Variants in NELL2 observed in about 807,000 individuals in gnomAD.
NELL2 encodes the protein neural EGFL like 2, also known as protein kinase C-binding protein NELL2.
NELL2 carries 41 observed loss-of-function variants against 109.6 expected under a neutral mutation model. The ratio of observed to expected loss-of-function variants is 0.37; its 90% confidence interval spans 0.29 to 0.49. The LOEUF is 0.49. Ranked by LOEUF, NELL2 falls within the 20% of genes least tolerant of loss-of-function variation. NELL2 has a pLI of 0.98. For synonymous variants in NELL2, 355 were observed against 344.7 expected (o/e 1.03, Z -0.33); for missense variants, 900 against 1,008.3 (o/e 0.89, Z 1.45).
chr12:44,813,653 C>T (rs1026188831), intron 3 of NELL2, among the ~76,000 whole-genome samples: 2 of 152,054 alleles, frequency 1.3e-5, no homozygotes, highest in African/African-American at 4.8e-5. Context: ...CGTATCAATA[C>T]ACATAGACAA....
At chr12:44,876,650 A>T (rs1237175763), upstream of NELL2, 4 of 1,551,060 alleles carry the variant, frequency 2.6e-6, no homozygotes, top group African/African-American at 5.5e-5. Flanking sequence ...GAGAGAAAAA[A>T]GACCACCCAG....
At chr12:44,660,101 G>T (rs866495158) in intron 13 of NELL2, among the ~76,000 whole-genome samples, 1 of 152,026 alleles carries the variant, frequency 6.6e-6, no homozygotes, top group African/African-American at 2.4e-5. Context: ...CTTAAAACAG[G>T]GTCCTTTTTG....
At position 44,779,681 on chromosome 12, in the gene NELL2, A is replaced by G. The variant is rs1941880739; in HGVS notation, c.588T>C (p.Asn196=). The G allele has an allele frequency of 3.7e-6, 6 of 1,613,498 alleles. No homozygotes were observed. Among genetic ancestry groups the G allele is most frequent in the Non-Finnish European group, 5.1e-6 (6 of 1,179,588 alleles). The change falls in exon 5 of 20, where the codon AAT becomes AAC. Residue 196 remains asparagine (N), a synonymous_variant. Transcript: ENST00000429094. ...AAGATACCTTAAAATATCCATGCGC[A>G]TTATTTCTCTGTCCTAGCCAAAATG... ...GTTFWLGQRN[N]AHGYFKGIMQ...
At chr12:44,774,703 T>C in intron 9 of NELL2, 44 bp downstream of exon 9, 1 of 1,496,246 alleles carries the variant, frequency 6.7e-7, no homozygotes, top group Non-Finnish European at 9.3e-7. Context: ...AATACAGTGC[T>C]TTATTTTTCC....
intron 9 of NELL2, among the ~76,000 whole-genome samples, chr12:44,740,004 C>G (rs994805057): frequency 2.6e-5 from 4 of 152,188 alleles, no homozygotes; most frequent in Non-Finnish European, 4.4e-5. Flanking sequence ...AGTTTAGTGG[C>G]TACAATACAA....
intron 12 of NELL2, among the ~76,000 whole-genome samples, chr12:44,681,370 T>A (rs945364835): frequency 2.0e-5 from 3 of 149,066 alleles, no homozygotes; most frequent in Non-Finnish European, 4.5e-5. Flanking sequence ...GTTGTTGTTG[T>A]TGGCATAACC....
chr12:44,606,762 A>C (rs1945418717), intron 15 of NELL2, among the ~76,000 whole-genome samples: 1 of 152,124 alleles, frequency 6.6e-6, no homozygotes, highest in Non-Finnish European at 1.5e-5. Flanking sequence ...AAATTTATTA[A>C]AAATTCCTAA....
intron 13 of NELL2, among the ~76,000 whole-genome samples, chr12:44,638,487 G>T (rs1209938233): frequency 6.6e-6 from 1 of 152,086 alleles, no homozygotes; most frequent in Admixed American, 6.6e-5. Context: ...ATTTCAAGTG[G>T]GAAGAATTGA....
At chr12:44,814,519 C>G (rs991261350) in intron 3 of NELL2, among the ~76,000 whole-genome samples, 1 of 152,010 alleles carries the variant, frequency 6.6e-6, no homozygotes, top group Non-Finnish European at 1.5e-5. Context: ...TCCCTGCAAC[C>G]AAAAACAGAC....
intron 13 of NELL2, among the ~76,000 whole-genome samples, chr12:44,650,387 A>G (rs536269325): frequency 8.0e-5 from 12 of 150,716 alleles, no homozygotes; most frequent in Admixed American, 3.3e-4. Flanking sequence ...TCCGCCTCCC[A>G]GATTTAAGCA....
chr12:44,548,173 C>T (rs1037435), intron 15 of NELL2, among the ~76,000 whole-genome samples: 69,764 of 151,974 alleles, frequency 0.46, 17,395 homozygotes, highest in East Asian at 0.69. Flanking sequence ...CTGGGATGCA[C>T]GAGTGGGATG....
At chr12:44,738,347 T>G (rs540582449) in intron 9 of NELL2, among the ~76,000 whole-genome samples, 1 of 152,208 alleles carries the variant, frequency 6.6e-6, no homozygotes, top group South Asian at 2.1e-4. Context: ...GAATATGCAC[T>G]CCTATGTTCA....
At chr12:44,716,332 C>T (rs532754402) in intron 9 of NELL2, among the ~76,000 whole-genome samples, 4 of 152,104 alleles carry the variant, frequency 2.6e-5, no homozygotes, top group Non-Finnish European at 5.9e-5. Flanking sequence ...ATCTCCTAGC[C>T]AACTGATTTT....
At chr12:44,919,704 G>T (rs978759486) in intron 1 of NELL2, among the ~76,000 whole-genome samples, 1 of 152,244 alleles carries the variant, frequency 6.6e-6, no homozygotes, top group African/African-American at 2.4e-5. Flanking sequence ...AAGAGGCATG[G>T]AATCGATTCT....
At chr12:44,761,905 T>C (rs777428264) in intron 9 of NELL2, among the ~76,000 whole-genome samples, 1 of 152,116 alleles carries the variant, frequency 6.6e-6, no homozygotes, top group Non-Finnish European at 1.5e-5. Context: ...GGCGTGAGGG[T>C]TGAAAAATTA....
At chr12:44,717,564 A>G (rs1938554368) in intron 9 of NELL2, among the ~76,000 whole-genome samples, 1 of 152,176 alleles carries the variant, frequency 6.6e-6, no homozygotes, top group African/African-American at 2.4e-5. Context: ...GGACAGCTGG[A>G]TTAAGATTAA....
At chr12:44,527,294 G>A (rs1276331974) in intron 16 of NELL2, among the ~76,000 whole-genome samples, 3 of 152,112 alleles carry the variant, frequency 2.0e-5, no homozygotes, top group Non-Finnish European at 4.4e-5. Context: ...TGGGACATGT[G>A]GGCATAAATA....
At chr12:44,652,194 A>T (rs1566091221) in intron 13 of NELL2, among the ~76,000 whole-genome samples, 1 of 152,132 alleles carries the variant, frequency 6.6e-6, no homozygotes, top group Non-Finnish European at 1.5e-5. Context: ...CAACAACGAT[A>T]CCCCCAATAA....
chr12:44,557,676 C>T (rs2136176074), intron 15 of NELL2, among the ~76,000 whole-genome samples: 1 of 152,182 alleles, frequency 6.6e-6, no homozygotes, highest in African/African-American at 2.4e-5. Context: ...CTATTGAAAA[C>T]ACAGGTATGG....
Sources: gnomAD v4.1 joint callset for allele counts (sites outside exome capture counted in the v4.1 genomes callset) on GRCh38, gnomAD v4.1.1 for gene constraint, MANE v1.5 for transcripts, NCBI Gene and HGNC (gene_info 2026-07-23, HGNC 2026-07-21) for gene names.